The following COL24A1 variants were observed in gnomAD, a reference collection of about 807,000 sequenced individuals.
COL24A1 encodes the protein collagen type XXIV alpha 1 chain.
Under a neutral mutation model 253.9 loss-of-function variants are expected in COL24A1, and 224 were observed. That is an observed-to-expected ratio of 0.88 (90% CI 0.79 to 0.99). The LOEUF (loss-of-function observed/expected upper bound fraction) is 0.99, where lower values mean the gene tolerates loss of function less well. Ranked by LOEUF, COL24A1 falls within the 50% of genes least tolerant of loss-of-function variation. COL24A1 has a pLI of 0.00. For missense variants in COL24A1, 2,131 were observed against 2,068.5 expected (o/e 1.03, Z -0.59); for synonymous variants, 685 against 673.7 (o/e 1.02, Z -0.26).
intron 47 of COL24A1, among the ~76,000 whole-genome samples, chr1:85,796,410 A>G (rs1381834920): frequency 6.6e-6 from 1 of 152,236 alleles, no homozygotes; most frequent in Non-Finnish European, 1.5e-5. Flanking sequence ...ATCCAATCAC[A>G]GGACTAACAG....
At chr1:85,761,613 G>A in intron 53 of COL24A1, 47 bp from the exon 54 acceptor site, 1 of 1,597,718 alleles carries the variant, frequency 6.3e-7, no homozygotes, top group Non-Finnish European at 8.6e-7. Flanking sequence ...TATACTTTTG[G>A]TTGGGTATAA....
intron 5 of COL24A1, among the ~76,000 whole-genome samples, chr1:86,111,478 G>A (rs1007358893): frequency 3.3e-5 from 5 of 152,220 alleles, no homozygotes; most frequent in African/African-American, 1.2e-4. Flanking sequence ...TCAGCACTCT[G>A]TGTCTAGCTC....
chr1:86,144,915 TAAGAG>T (rs997746792), intron 2 of COL24A1, among the ~76,000 whole-genome samples: 12 of 152,116 alleles, frequency 7.9e-5, no homozygotes, highest in Admixed American at 5.9e-4. Flanking sequence ...AACAATAAAT[TAAGAG>T]AGAGAGTTTT....
chr1:85,872,178 C>T (rs1383034154), intron 35 of COL24A1, among the ~76,000 whole-genome samples: 1 of 152,118 alleles, frequency 6.6e-6, no homozygotes, highest in African/African-American at 2.4e-5. Flanking sequence ...CAAACCACTG[C>T]TCAACGAAAT....
intron 57 of COL24A1, among the ~76,000 whole-genome samples, chr1:85,741,630 T>C (rs1570413517): frequency 6.6e-6 from 1 of 152,300 alleles, no homozygotes; most frequent in East Asian, 1.9e-4. Flanking sequence ...CTTCTCAACA[T>C]ACTGGGGGCA....
At chr1:85,942,074 A>G (rs1312004952) in intron 24 of COL24A1, among the ~76,000 whole-genome samples, 1 of 152,226 alleles carries the variant, frequency 6.6e-6, no homozygotes, top group Non-Finnish European at 1.5e-5. Flanking sequence ...AAAATAAAGA[A>G]GGAAAAGTGG....
At chr1:85,745,165 C>CTTT (rs1665073180) in intron 56 of COL24A1, among the ~76,000 whole-genome samples, 2 of 151,844 alleles carry the variant, frequency 1.3e-5, no homozygotes, top group South Asian at 4.2e-4. Flanking sequence ...ACATGGCTAA[C>CTTT]CTCATTTAAC....
At chr1:86,017,082 T>C (rs893405605) in intron 19 of COL24A1, 69 bp downstream of exon 19, 30 of 1,365,618 alleles carry the variant, frequency 2.2e-5, no homozygotes, top group Non-Finnish European at 2.4e-5. Context: ...TGTTGAAACA[T>C]GTTTTATCAA....
At chr1:86,055,330 G>A (rs1433372825) in intron 10 of COL24A1, among the ~76,000 whole-genome samples, 1 of 152,124 alleles carries the variant, frequency 6.6e-6, no homozygotes, top group Admixed American at 6.5e-5. Flanking sequence ...CTTTATGAAT[G>A]TGAAATTCCC....
chr1:86,074,908 G>C (rs1702138118), intron 7 of COL24A1, among the ~76,000 whole-genome samples: 1 of 152,182 alleles, frequency 6.6e-6, no homozygotes, highest in South Asian at 2.1e-4. Flanking sequence ...GCAGTGTTTA[G>C]AGGGAAATTT....
At chr1:85,916,484 C>A (rs1184398866) in intron 24 of COL24A1, among the ~76,000 whole-genome samples, 1 of 152,014 alleles carries the variant, frequency 6.6e-6, no homozygotes. Flanking sequence ...GCAGCCTAGG[C>A]AACATAGGGA....
At chr1:86,081,116 A>C (rs1237812032) in intron 7 of COL24A1, among the ~76,000 whole-genome samples, 1 of 152,140 alleles carries the variant, frequency 6.6e-6, no homozygotes, top group Non-Finnish European at 1.5e-5. Context: ...AGCATCATTT[A>C]TTTGAAAAAA....
chr1:86,094,720 A>T (rs1703776533), intron 5 of COL24A1, among the ~76,000 whole-genome samples: 1 of 151,920 alleles, frequency 6.6e-6, no homozygotes, highest in African/African-American at 2.4e-5. Context: ...CTACAATTTT[A>T]GGTCATTGGT....
At chr1:85,945,391 A>T (rs1388013828) in intron 24 of COL24A1, among the ~76,000 whole-genome samples, 2 of 151,608 alleles carry the variant, frequency 1.3e-5, no homozygotes, top group African/African-American at 4.9e-5. Flanking sequence ...GGATGCCCTG[A>T]CTGACTGAAA....
intron 1 of COL24A1, chr1:86,155,821 C>T (rs1653513014): frequency 2.0e-5 from 3 of 153,602 alleles, no homozygotes; most frequent in Admixed American, 1.3e-4. Flanking sequence ...GCAGCCACCC[C>T]CTTCCCCCCG....
intron 35 of COL24A1, among the ~76,000 whole-genome samples, chr1:85,873,061 G>A (rs1370151271): frequency 6.6e-6 from 1 of 152,184 alleles, no homozygotes; most frequent in Non-Finnish European, 1.5e-5. Flanking sequence ...AGACATTTAT[G>A]CAGCCAACAG....
intron 52 of COL24A1, among the ~76,000 whole-genome samples, chr1:85,777,793 T>G (rs746723509): frequency 5.3e-5 from 8 of 152,206 alleles, no homozygotes; most frequent in Non-Finnish European, 7.4e-5. Context: ...TGTTTTCTCC[T>G]ATATTCCCTT....
chr1:86,035,185 A>G (rs924493444), intron 12 of COL24A1, among the ~76,000 whole-genome samples: 1 of 152,202 alleles, frequency 6.6e-6, no homozygotes. Context: ...CCATCTGTGT[A>G]GTCAAATATA....
intron 19 of COL24A1, among the ~76,000 whole-genome samples, chr1:86,007,253 C>T (rs1408632839): frequency 6.6e-6 from 1 of 152,074 alleles, no homozygotes; most frequent in Non-Finnish European, 1.5e-5. Context: ...ACCACCACCA[C>T]CACCACCAAA....
Sources: gnomAD v4.1 joint callset for allele counts (sites outside exome capture counted in the v4.1 genomes callset) on GRCh38, gnomAD v4.1.1 for gene constraint, MANE v1.5 for transcripts, NCBI Gene and HGNC (gene_info 2026-07-23, HGNC 2026-07-21) for gene names.